Variants in SPECC1L observed in about 807,000 individuals in gnomAD.
SPECC1L encodes sperm antigen with calponin homology and coiled-coil domains 1 like.
SPECC1L carries 40 observed loss-of-function variants against 116.8 expected under a neutral mutation model. The ratio of observed to expected loss-of-function variants is 0.34; its 90% CI spans 0.27 to 0.45. SPECC1L has a LOEUF of 0.45. SPECC1L is among the 20% of genes least tolerant of loss of function. The pLI is 1.00. For missense variants in SPECC1L, 1,110 were observed against 1,373.6 expected (o/e 0.81, Z 3.03); for synonymous variants, 504 against 500.6 (o/e 1.01, Z -0.09).
intron 14 of SPECC1L, among the ~76,000 whole-genome samples, chr22:24,393,731 C>T (rs1052355815): frequency 6.6e-6 from 1 of 151,972 alleles, no homozygotes; most frequent in African/African-American, 2.4e-5. Flanking sequence ...TTTTGACATA[C>T]ATATACATAT....
At chr22:24,342,488 T>C (rs2041196621) in intron 10 of SPECC1L, among the ~76,000 whole-genome samples, 1 of 152,000 alleles carries the variant, frequency 6.6e-6, no homozygotes, top group African/African-American at 2.4e-5. Flanking sequence ...CTGGCCAACA[T>C]GGCGAAACCC....
intron 3 of SPECC1L, among the ~76,000 whole-genome samples, chr22:24,307,600 A>AGT (rs532530564): frequency 0.022 from 3,365 of 149,776 alleles, 52 homozygotes; most frequent in South Asian, 0.094. Flanking sequence ...TGTGTATGTG[A>AGT]GTGTGTGTGT....
intron 2 of SPECC1L, among the ~76,000 whole-genome samples, chr22:24,282,317 C>T (rs2096356302): frequency 6.6e-6 from 1 of 152,200 alleles, no homozygotes; most frequent in Non-Finnish European, 1.5e-5. Flanking sequence ...GTCTGGTGCC[C>T]AGGCAAGAAG....
At chr22:24,334,168 G>A (rs1054492317) in intron 8 of SPECC1L, among the ~76,000 whole-genome samples, 18 of 151,584 alleles carry the variant, frequency 1.2e-4, no homozygotes, top group African/African-American at 2.9e-4. Flanking sequence ...GCCCACCACC[G>A]TGCCTGGCTA....
intron 16 of SPECC1L, among the ~76,000 whole-genome samples, chr22:24,413,883 G>A (rs191734422): frequency 9.2e-5 from 14 of 152,258 alleles, no homozygotes; most frequent in African/African-American, 3.4e-4. Flanking sequence ...CTCTCAGGCC[G>A]GCCCCTTGGG....
intron 11 of SPECC1L, among the ~76,000 whole-genome samples, chr22:24,355,371 T>C (rs2041510094): frequency 6.6e-6 from 1 of 152,022 alleles, no homozygotes; most frequent in Non-Finnish European, 1.5e-5. Context: ...AGTCCCTCTC[T>C]GGATAGAACT....
At position 24,417,648 on chromosome 22, in the gene SPECC1L, ATCT is replaced by A. The variant is rs1568936767; in HGVS notation, c.*3027_*3029del. The A allele has an allele frequency of 6.6e-6, 1 of 152,244 alleles. No individual in the cohort carries two copies. Among genetic ancestry groups the A allele is most frequent in the African/African-American group, 2.4e-5 (1 of 41,462 alleles). 9.4% of individuals were successfully genotyped at this position (152,244 alleles called of 1,614,324 possible). A position where few individuals can be genotyped will look rare whatever the true frequency, so the allele number is the denominator to read the frequency against. ...TTTTGTTTGTTTTGAGGCATGTATC[ATCT>A]TGGAAATAATTGTCAGGATGTATAA... On this transcript the variant is annotated 3_prime_UTR_variant, in exon 17 of 17. Coordinates refer to ENST00000314328, the MANE Select transcript of SPECC1L (RefSeq NM_015330.6).
chr22:24,385,018 G>C (rs1258610534), intron 14 of SPECC1L, among the ~76,000 whole-genome samples: 1 of 149,364 alleles, frequency 6.7e-6, no homozygotes, highest in African/African-American at 2.5e-5. Context: ...AGCTGAGATC[G>C]CGCCACTGAA....
rs200713959 is a variant in SPECC1L, at chr22:24,322,662, C to T, written c.1682C>T (p.Thr561Met). ...AAAGGAAAAGCAGCCTTGGCAGCCA[C>T]GTTAGAGGAATACAAAGCCACAGTG... ...EQKGKAALAA[T>M]LEEYKATVAS... is the part of the protein sequence containing the mutation. Residue 561 changes from threonine to methionine, a missense_variant, in exon 5 of 17, where the codon ACG becomes ATG. Transcript: ENST00000314328. 12 of 1,612,704 alleles carry T rather than the reference C, an allele frequency of 7.4e-6. No individual in the cohort carries two copies. The highest frequency in any genetic ancestry group is 2.2e-5 in the East Asian group (1 of 44,880).
In SPECC1L at chr22:24,328,835, G is replaced by C; in HGVS notation, c.2147-11G>C. ...TGAGAATAGATATTTAAACTTTGGTGATCTTTTCAGATACAGTTAAAAAAC... is the reference window on the plus strand; with the variant it reads ...TGAGAATAGATATTTAAACTTTGGTCATCTTTTCAGATACAGTTAAAAAAC... On this transcript the variant is annotated splice_polypyrimidine_tract_variant and intron_variant, in intron 6 of 16. Coordinates refer to ENST00000314328, the MANE Select transcript of SPECC1L (RefSeq NM_015330.6). 1 of 1,603,974 alleles carries C rather than the reference G, an allele frequency of 6.2e-7. No individual in the cohort carries two copies. The highest frequency in any genetic ancestry group is 8.5e-7 in the Non-Finnish European group (1 of 1,171,078).
At chr22:24,379,232 G>T (rs1601314504) in intron 14 of SPECC1L, among the ~76,000 whole-genome samples, 1 of 151,280 alleles carries the variant, frequency 6.6e-6, no homozygotes, top group Non-Finnish European at 1.5e-5. Context: ...AAAAAAAATA[G>T]CCAGGCATGG....
rs527946624 is a variant in SPECC1L at position 24,348,091 on chromosome 22, A to G, written c.2743+915A>G. On this transcript the variant is annotated intron_variant, in intron 11 of 16. Coordinates refer to ENST00000314328, the MANE Select transcript of SPECC1L (RefSeq NM_015330.6). ...CTCTTCATGTGAGGTACTAAAGTGC[A>G]TTGGAAAGATGAACTGCAGTGTTGG... Among the ~76,000 whole-genome samples, 5 of 152,216 alleles carry G rather than the reference A, an allele frequency of 3.3e-5. No individual in the cohort carries two copies. The South Asian group carries it at 1.0e-3, about 32-fold the overall frequency.
At chr22:24,413,351 G>A (rs779658251) in intron 16 of SPECC1L, among the ~76,000 whole-genome samples, 82 of 152,190 alleles carry the variant, frequency 5.4e-4, no homozygotes, top group Non-Finnish European at 1.8e-4. Context: ...ACCCAGAGAC[G>A]CTTTTATTAA....
chr22:24,407,971 C>A (rs528222244), intron 14 of SPECC1L, among the ~76,000 whole-genome samples: 2 of 152,188 alleles, frequency 1.3e-5, no homozygotes, highest in Non-Finnish European at 2.9e-5. Flanking sequence ...CTATGATACA[C>A]CTCACTTTGA....
intron 3 of SPECC1L, among the ~76,000 whole-genome samples, chr22:24,307,577 ATGTGTGTCTG>A (rs2049525668): frequency 1.3e-5 from 2 of 151,766 alleles, no homozygotes; most frequent in South Asian, 2.1e-4. Flanking sequence ...TTTATGGGGT[ATGTGTGTCTG>A]TGTGTGTATG....
At chr22:24,336,407 T>C (rs929329883) in intron 9 of SPECC1L, among the ~76,000 whole-genome samples, 1 of 152,064 alleles carries the variant, frequency 6.6e-6, no homozygotes, top group African/African-American at 2.4e-5. Context: ...AGTGGCCACC[T>C]CTGGGTAATA....
At chr22:24,284,270 G>T (rs1422686929) in intron 2 of SPECC1L, among the ~76,000 whole-genome samples, 1 of 151,976 alleles carries the variant, frequency 6.6e-6, no homozygotes, top group African/African-American at 2.4e-5. Flanking sequence ...CACAAATTTT[G>T]ATATGTTATG....
intron 2 of SPECC1L, among the ~76,000 whole-genome samples, chr22:24,278,837 A>G (rs527794917): frequency 6.6e-6 from 1 of 152,348 alleles, no homozygotes; most frequent in South Asian, 2.1e-4. Flanking sequence ...ACACCATCGT[A>G]AAATGTAAAA....
At chr22:24,287,674 G>T (rs2049067516) in intron 2 of SPECC1L, among the ~76,000 whole-genome samples, 1 of 152,126 alleles carries the variant, frequency 6.6e-6, no homozygotes, top group East Asian at 1.9e-4. Flanking sequence ...GCTGTTGGAG[G>T]TGCCCCTATT....
Sources: allele counts gnomAD v4.1 joint callset (sites outside exome capture counted in the v4.1 genomes callset), GRCh38; gene constraint gnomAD v4.1.1; transcripts MANE v1.5; gene names NCBI Gene and HGNC (gene_info 2026-07-23, HGNC 2026-07-21).